The following PPFIA2 variants were observed in gnomAD, a reference collection of about 807,000 sequenced individuals.
PPFIA2 encodes PPFI scaffold protein A2, also known as liprin-alpha-2.
Under a neutral mutation model 175.5 loss-of-function variants are expected in PPFIA2, and 46 were observed. The observed-to-expected ratio is 0.26, with a 90% CI of 0.21 to 0.34. The LOEUF (loss-of-function observed/expected upper bound fraction) is 0.34. PPFIA2 is among the 10% of genes least tolerant of loss of function. PPFIA2 has a pLI of 1.00. For synonymous variants in PPFIA2, 568 were observed against 511.4 expected (o/e 1.11, Z -1.49); for missense variants, 1,179 against 1,506.1 (o/e 0.78, Z 3.60).
At position 81,277,379 on chromosome 12, in the gene PPFIA2, C is replaced by T. The variant is rs1229746740; in HGVS notation, c.3248G>A (p.Arg1083Lys). The T allele has an allele frequency of 6.4e-7, 1 of 1,561,552 alleles. No individual in the cohort carries two copies. ...TAGTTCTTTTCTGTCATAATTCAAC[C>T]TCTTTAAGCACATAATTCCATATTG... The part of the protein sequence containing the change: ...SLQYGIMCLK[R>K]LNYDRKELER... Residue 1083 changes from arginine (R) to lysine (K), a missense_variant, in exon 28 of 33, where the codon AGG (arginine) becomes AAG (lysine). Transcript: ENST00000549396.
rs1193268193 is a variant in PPFIA2 at position 81,258,799 on chromosome 12, T to C, written c.*895A>G. 1 of 152,138 alleles carries C rather than the reference T, an allele frequency of 6.6e-6. No individual in the cohort carries two copies. Among genetic ancestry groups the C allele is most frequent in the Admixed American group, 6.6e-5 (1 of 15,240 alleles). The allele number at this position is 152,138 out of a possible 1,614,324, so 9.4% of individuals were successfully genotyped here. A position where few individuals can be genotyped will look rare whatever the true frequency, so the allele number is the denominator to read the frequency against. On this transcript the variant is annotated 3_prime_UTR_variant, in exon 33 of 33. Coordinates refer to ENST00000549396, the MANE Select transcript of PPFIA2 (RefSeq NM_003625.5). ...GCGGTGGTTGACATTCACTGTCCAG[T>C]ACTGGCTGGCATTTCAAGATATTTG...
intron 8 of PPFIA2, among the ~76,000 whole-genome samples, chr12:81,386,308 TA>T (rs1182812188): frequency 1.3e-5 from 2 of 149,040 alleles, no homozygotes; most frequent in Admixed American, 6.7e-5. Context: ...AATAAATAAA[TA>T]AATAAATAAA....
At chr12:81,595,797 G>GA (rs577530061) in intron 4 of PPFIA2, among the ~76,000 whole-genome samples, 5 of 152,000 alleles carry the variant, frequency 3.3e-5, no homozygotes, top group Admixed American at 6.6e-5. Flanking sequence ...TACCATGTCA[G>GA]AAAAAAATGA....
chr12:81,282,968 A>G, intron 26 of PPFIA2, 42 bp downstream of exon 26: 1 of 1,551,740 alleles, frequency 6.4e-7, no homozygotes, highest in Non-Finnish European at 8.9e-7. Context: ...CTCATTGCCT[A>G]CTAAATGATA....
chr12:81,543,945 C>A (rs2066599493), intron 4 of PPFIA2, among the ~76,000 whole-genome samples: 1 of 152,064 alleles, frequency 6.6e-6, no homozygotes. Flanking sequence ...CTGTCAAGGT[C>A]ATCAAAAACA....
intron 4 of PPFIA2, among the ~76,000 whole-genome samples, chr12:81,536,409 G>A (rs2065381301): frequency 6.6e-6 from 1 of 151,072 alleles, no homozygotes; most frequent in African/African-American, 2.4e-5. Context: ...TATTTTCCAA[G>A]CCATTCAAAT....
intron 4 of PPFIA2, among the ~76,000 whole-genome samples, chr12:81,521,837 T>A (rs936904350): frequency 5.4e-5 from 8 of 149,486 alleles, no homozygotes; most frequent in African/African-American, 1.2e-4. Flanking sequence ...AAAAAAAAAA[T>A]TATTGCACAT....
intron 4 of PPFIA2, among the ~76,000 whole-genome samples, chr12:81,645,504 G>A (rs1390505136): frequency 6.6e-6 from 1 of 152,176 alleles, no homozygotes; most frequent in African/African-American, 2.4e-5. Context: ...TTTCTACTTC[G>A]GATGTAAAAA....
At chr12:81,556,323 A>C (rs1026789562) in intron 4 of PPFIA2, among the ~76,000 whole-genome samples, 1 of 151,930 alleles carries the variant, frequency 6.6e-6, no homozygotes, top group African/African-American at 2.4e-5. Context: ...TCAATTGAAT[A>C]ATACTTCTTA....
intron 4 of PPFIA2, among the ~76,000 whole-genome samples, chr12:81,565,264 C>G (rs2071045750): frequency 6.6e-6 from 1 of 152,112 alleles, no homozygotes. Context: ...TGATTCTCCT[C>G]AGGAGCCACC....
chr12:81,411,063 G>A (rs1379054547), intron 7 of PPFIA2, among the ~76,000 whole-genome samples: 1 of 152,064 alleles, frequency 6.6e-6, no homozygotes, highest in African/African-American at 2.4e-5. Flanking sequence ...ACTTGCAAAT[G>A]CAGCAGGAAA....
In PPFIA2 at chr12:81,577,510, G is replaced by A. The variant is rs569726423; in HGVS notation, c.303+99281C>T. Among the ~76,000 whole-genome samples, 221 of 151,960 alleles carry A rather than the reference G, an allele frequency of 1.5e-3. 1 individual carries two copies. The highest frequency in any genetic ancestry group is 5.0e-3 in the African/African-American group (208 of 41,526). On this transcript the variant is annotated intron_variant, in intron 4 of 32. Transcript: ENST00000549396. Reference sequence around the variant, plus strand: ...GTTCAAAACAATTCAAAGAAGAGGAGGTTGGACACCTGTTGACAAACAACA... The same window carrying A: ...GTTCAAAACAATTCAAAGAAGAGGAAGTTGGACACCTGTTGACAAACAACA...
intron 7 of PPFIA2, among the ~76,000 whole-genome samples, chr12:81,426,080 T>C (rs2047088623): frequency 6.6e-6 from 1 of 152,192 alleles, no homozygotes; most frequent in African/African-American, 2.4e-5. Flanking sequence ...GTTATGCCAG[T>C]TTGACCAACT....
chr12:81,482,679 C>A (rs549215224), intron 4 of PPFIA2, among the ~76,000 whole-genome samples: 1 of 152,164 alleles, frequency 6.6e-6, no homozygotes, highest in African/African-American at 2.4e-5. Flanking sequence ...TAACGGGGAG[C>A]TGAACAATGA....
At chr12:81,715,300 G>C (rs937714565) in intron 3 of PPFIA2, among the ~76,000 whole-genome samples, 5 of 151,730 alleles carry the variant, frequency 3.3e-5, no homozygotes, top group Non-Finnish European at 7.4e-5. Flanking sequence ...AATCTTAAGA[G>C]AATTTAATTA....
chr12:81,703,011 A>C (rs2153603321), intron 3 of PPFIA2, among the ~76,000 whole-genome samples: 1 of 152,246 alleles, frequency 6.6e-6, no homozygotes, highest in South Asian at 2.1e-4. Context: ...TCTGTTGTTT[A>C]AGCCACCTGG....
intron 4 of PPFIA2, among the ~76,000 whole-genome samples, chr12:81,623,273 C>T (rs183770002): frequency 1.9e-4 from 29 of 151,944 alleles, no homozygotes; most frequent in Admixed American, 1.9e-3. Flanking sequence ...GAGATGTGAG[C>T]CTTTCAAGAG....
intron 4 of PPFIA2, among the ~76,000 whole-genome samples, chr12:81,621,498 C>G (rs187103289): frequency 3.4e-4 from 52 of 152,262 alleles, no homozygotes; most frequent in Non-Finnish European, 5.4e-4. Flanking sequence ...TTGAAAGGAT[C>G]ATTTTAGCTT....
In PPFIA2 at chr12:81,368,183, T is replaced by C. The variant is rs1411150000; in HGVS notation, c.1482+542A>G. On this transcript the variant is annotated intron_variant, in intron 13 of 32. Transcript: ENST00000549396. ...AGCTGCCAACTATCAATGAGACATA[T>C]ATAACTGTAAATCACATTGCAGACT... 10 of 1,282,160 alleles carry C rather than the reference T, an allele frequency of 7.8e-6. No individual in the cohort carries two copies. The Admixed American group carries it at 1.8e-4, about 24-fold the overall frequency. 79.4% of individuals were successfully genotyped at this position (1,282,160 alleles called of 1,614,324 possible).
Sources: gnomAD v4.1 joint callset for allele counts (sites outside exome capture counted in the v4.1 genomes callset) on GRCh38, gnomAD v4.1.1 for gene constraint, MANE v1.5 for transcripts, NCBI Gene and HGNC (gene_info 2026-07-23, HGNC 2026-07-21) for gene names.